PDE3A: variants seen among roughly 807,000 people sequenced by gnomAD.
PDE3A encodes phosphodiesterase 3A.
A neutral mutation model predicts 98.3 loss-of-function variants in PDE3A; 43 were observed. The ratio of observed to expected loss-of-function variants is 0.44; its 90% CI spans 0.34 to 0.56. The LOEUF (loss-of-function observed/expected upper bound fraction) is 0.56, where lower values mean the gene tolerates loss of function less well. PDE3A is among the 20% of genes least tolerant of loss of function. PDE3A has a pLI of 0.01. For synonymous variants in PDE3A, 663 were observed against 567.9 expected (o/e 1.17, Z -2.38); for missense variants, 1,427 against 1,440.7 (o/e 0.99, Z 0.15).
chr12:20,385,046 C>T (rs1943728347), intron 1 of PDE3A, among the ~76,000 whole-genome samples: 1 of 151,990 alleles, frequency 6.6e-6, no homozygotes, highest in African/African-American at 2.4e-5. Context: ...GGTGTATTCC[C>T]AGTAATGGGA....
intron 3 of PDE3A, among the ~76,000 whole-genome samples, chr12:20,615,986 A>G (rs1236344657): frequency 6.6e-6 from 1 of 152,164 alleles, no homozygotes; most frequent in Non-Finnish European, 1.5e-5. Context: ...GGCCTCCCAA[A>G]GTGCTGGAAT....
chr12:20,672,644 A>C (rs1157871667), intron 15 of PDE3A, among the ~76,000 whole-genome samples: 1 of 123,030 alleles, frequency 8.1e-6, no homozygotes, highest in Non-Finnish European at 1.7e-5. Flanking sequence ...CTGGCTAGCC[A>C]TATGTAGAAA....
In PDE3A at chr12:20,598,108, A is replaced by T. The variant is rs1199196359; in HGVS notation, c.1012-15335A>T. Among the ~76,000 whole-genome samples, 74 of 152,014 alleles carry T rather than the reference A, an allele frequency of 4.9e-4. 1 individual carries two copies. The highest frequency in any genetic ancestry group is 4.7e-3 in the Admixed American group (72 of 15,254). ...TATTTTTAAGTTTGAAAACTTTATT[A>T]TTCGATTGATGGAATCCTTGATTAG... On this transcript the variant is annotated intron_variant, in intron 2 of 15. Transcript: ENST00000359062.
chr12:20,432,979 A>T (rs911035675), intron 1 of PDE3A, among the ~76,000 whole-genome samples: 21 of 152,138 alleles, frequency 1.4e-4, no homozygotes, highest in African/African-American at 4.8e-4. Flanking sequence ...TCCATCAAGG[A>T]GTTCTGGCTC....
In PDE3A at chr12:20,369,564, G is replaced by A. The variant is rs1220277825; in HGVS notation, c.280G>A (p.Glu94Lys). The change falls in exon 1 of 16, where the codon GAG becomes AAG. Residue 94 changes from glutamate to lysine, a missense_variant. Physicochemically the swap from Glu to Lys is moderately conservative, Grantham distance 56. Around this residue, in one of 3 missense-constraint regions of PDE3A, gnomAD observed 1,012 missense variants for 886.5 expected, o/e 1.14. Coordinates refer to ENST00000359062, the MANE Select transcript of PDE3A (RefSeq NM_000921.5). Reference protein sequence around the residue: ...EVGCDLEQCKEAAAAEEEEAA... With the variant: ...EVGCDLEQCKKAAAAEEEEAA... ...CGGCTGTGACCTGGAGCAGTGTAAG[G>A]AGGCGGCGGCGGCGGAGGAGGAGGA... 6.4e-7 allele frequency: 1 copy of A among 1,556,760 alleles called. No homozygotes were observed. Among genetic ancestry groups the A allele is most frequent in the Non-Finnish European group, 8.7e-7 (1 of 1,151,518 alleles).
chr12:20,581,652 G>A (rs1395086251), intron 2 of PDE3A, among the ~76,000 whole-genome samples: 3 of 133,414 alleles, frequency 2.2e-5, no homozygotes, highest in East Asian at 2.2e-4. Context: ...TCGCTCTGTC[G>A]CCCAGGCTGG....
rs138290382 is a variant in PDE3A, at chr12:20,497,771, G to A, written c.961-58889G>A. On this transcript the variant is annotated intron_variant, in intron 1 of 15. Transcript: ENST00000359062. ...CAAACATTGGGTATTTCCAATTAGA[G>A]ACTCATTGATCAAATAGAACAAAGA... Among the ~76,000 whole-genome samples, 434 of 152,176 alleles carry A rather than the reference G, an allele frequency of 2.9e-3. 2 individuals carry two copies. The Middle Eastern group carries it at 0.034, about 12-fold the overall frequency.
At chr12:20,576,839 T>G (rs955005835) in intron 2 of PDE3A, among the ~76,000 whole-genome samples, 3 of 152,128 alleles carry the variant, frequency 2.0e-5, no homozygotes, top group African/African-American at 7.2e-5. Context: ...AAATGGAATG[T>G]GTCCAGTTGA....
intron 1 of PDE3A, among the ~76,000 whole-genome samples, chr12:20,549,455 A>G (rs963591125): frequency 1.3e-5 from 2 of 151,600 alleles, no homozygotes; most frequent in African/African-American, 4.8e-5. Flanking sequence ...TTTGGCTCAG[A>G]TTATTTTAAT....
At chr12:20,627,616 G>C (rs1401387591) in intron 5 of PDE3A, among the ~76,000 whole-genome samples, 1 of 145,480 alleles carries the variant, frequency 6.9e-6, no homozygotes, top group Non-Finnish European at 1.5e-5. Context: ...CTTATCTAAA[G>C]AGCATTTCTG....
At chr12:20,389,699 C>G (rs745950853) in intron 1 of PDE3A, among the ~76,000 whole-genome samples, 1 of 151,984 alleles carries the variant, frequency 6.6e-6, no homozygotes, top group Non-Finnish European at 1.5e-5. Flanking sequence ...AATGATTATA[C>G]TGCCAAGGGA....
At chr12:20,519,674 G>C (rs556743542) in intron 1 of PDE3A, among the ~76,000 whole-genome samples, 2 of 152,292 alleles carry the variant, frequency 1.3e-5, no homozygotes, top group East Asian at 3.9e-4. Flanking sequence ...GCATCATAAA[G>C]TAACTGCACT....
chr12:20,619,472 A>G (rs1426706299), intron 4 of PDE3A, among the ~76,000 whole-genome samples: 1 of 152,108 alleles, frequency 6.6e-6, no homozygotes, highest in East Asian at 1.9e-4. Flanking sequence ...TCACTGTATT[A>G]TGTAATGAGA....
chr12:20,584,112 A>AGGGT (rs1207143308), intron 2 of PDE3A, among the ~76,000 whole-genome samples: 1 of 152,228 alleles, frequency 6.6e-6, no homozygotes, highest in Non-Finnish European at 1.5e-5. Context: ...GCTCTTGAGC[A>AGGGT]GGGTGGGACA....
At chr12:20,409,981 C>T (rs1944304076) in intron 1 of PDE3A, among the ~76,000 whole-genome samples, 1 of 152,178 alleles carries the variant, frequency 6.6e-6, no homozygotes, top group East Asian at 1.9e-4. Context: ...CTATAGGATA[C>T]TTGCTATATT....
chr12:20,642,922 C>T (rs1944677804), intron 10 of PDE3A, among the ~76,000 whole-genome samples: 1 of 152,116 alleles, frequency 6.6e-6, no homozygotes, highest in Non-Finnish European at 1.5e-5. Context: ...ATTTTAAATA[C>T]AAAATATATA....
At chr12:20,660,667 C>G (rs1945146386) in intron 15 of PDE3A, among the ~76,000 whole-genome samples, 1 of 152,130 alleles carries the variant, frequency 6.6e-6, no homozygotes, top group Non-Finnish European at 1.5e-5. Flanking sequence ...AAGAGGAGTT[C>G]CTTTGCACAA....
chr12:20,386,049 T>TAAATATATTTA (rs1943764161), intron 1 of PDE3A, among the ~76,000 whole-genome samples: 5 of 49,288 alleles, frequency 1.0e-4, no homozygotes, highest in Admixed American at 6.5e-4. Context: ...AAAATATATA[T>TAAATATATTTA]AAATATATAT....
chr12:20,614,267 C>CACAA (rs1214271716), intron 3 of PDE3A, among the ~76,000 whole-genome samples: 6 of 152,064 alleles, frequency 3.9e-5, no homozygotes, highest in Non-Finnish European at 5.9e-5. Flanking sequence ...GAAGAAATTA[C>CACAA]ACAAACATTC....
Sources: allele counts gnomAD v4.1 joint callset (sites outside exome capture counted in the v4.1 genomes callset), GRCh38; gene constraint gnomAD v4.1.1; regional missense constraint gnomAD v4.1.1; transcripts MANE v1.5; gene names NCBI Gene and HGNC (gene_info 2026-07-23, HGNC 2026-07-21).